Variants in ANKS1B observed in about 807,000 individuals in gnomAD.
The protein encoded by ANKS1B is ankyrin repeat and sterile alpha motif domain containing 1B, also known as ankyrin repeat and sterile alpha motif domain-containing protein 1B.
In ANKS1B, 36 loss-of-function variants were observed where a neutral mutation model predicts 148.3. The observed-to-expected ratio is 0.24, with a 90% confidence interval of 0.19 to 0.32. ANKS1B has a LOEUF of 0.32. Among genes scored for constraint, ANKS1B ranks in the 10% least tolerant of loss-of-function variants. The pLI is 1.00. For missense variants in ANKS1B, 1,157 were observed against 1,542.6 expected (o/e 0.75, Z 4.19); for synonymous variants, 542 against 560.8 (o/e 0.97, Z 0.47).
At chr12:98,964,123 T>C (rs772601323) in intron 17 of ANKS1B, among the ~76,000 whole-genome samples, 2 of 151,856 alleles carry the variant, frequency 1.3e-5, no homozygotes, top group African/African-American at 4.8e-5. Flanking sequence ...AATAATCCCA[T>C]TAAAAACTGG....
chr12:99,193,019 T>C (rs2080938747), intron 14 of ANKS1B, among the ~76,000 whole-genome samples: 1 of 152,232 alleles, frequency 6.6e-6, no homozygotes, highest in South Asian at 2.1e-4. Flanking sequence ...TAATATATTC[T>C]GTCTTCCATC....
intron 16 of ANKS1B, among the ~76,000 whole-genome samples, chr12:99,084,243 G>C (rs1352030973): frequency 6.6e-6 from 1 of 152,132 alleles, no homozygotes; most frequent in Admixed American, 6.6e-5. Context: ...TATGGGGCAG[G>C]AGGCTTTTAA....
At chr12:99,324,901 T>C (rs1271969021) in intron 12 of ANKS1B, among the ~76,000 whole-genome samples, 1 of 152,156 alleles carries the variant, frequency 6.6e-6, no homozygotes, top group Non-Finnish European at 1.5e-5. Flanking sequence ...CTAGACTCCC[T>C]GAATGTTGGT....
chr12:99,154,985 T>C, intron 14 of ANKS1B: 1 of 1,535,392 alleles, frequency 6.5e-7, no homozygotes, highest in Non-Finnish European at 8.7e-7. Context: ...CAAGCGTCAA[T>C]CTTGAATGAT....
At chr12:99,084,159 A>C (rs1197792173) in intron 16 of ANKS1B, among the ~76,000 whole-genome samples, 1 of 152,058 alleles carries the variant, frequency 6.6e-6, no homozygotes, top group Non-Finnish European at 1.5e-5. Flanking sequence ...CTGAGTAATG[A>C]CTCGTGTAAT....
intron 17 of ANKS1B, among the ~76,000 whole-genome samples, chr12:99,052,366 A>G (rs2099966667): frequency 6.6e-6 from 1 of 152,244 alleles, no homozygotes; most frequent in South Asian, 2.1e-4. Context: ...TTTTGATAAT[A>G]CAGCAGCCTA....
At chr12:99,462,214 G>C (rs1818469205) in intron 10 of ANKS1B, among the ~76,000 whole-genome samples, 1 of 152,204 alleles carries the variant, frequency 6.6e-6, no homozygotes, top group Admixed American at 6.5e-5. Context: ...ACAGTCTTCA[G>C]CTGTCAGCTT....
chr12:98,760,750 C>G (rs901734653), intron 25 of ANKS1B, among the ~76,000 whole-genome samples: 24 of 152,216 alleles, frequency 1.6e-4, no homozygotes, highest in African/African-American at 5.8e-4. Flanking sequence ...AATACTTCTA[C>G]TCCAAGTGCG....
In ANKS1B at chr12:99,708,804, A is replaced by G. The variant is rs148287577; in HGVS notation, c.1129-53594T>C. On this transcript the variant is annotated intron_variant, in intron 8 of 26. Coordinates refer to ENST00000683438, the MANE Select transcript of ANKS1B (RefSeq NM_001352186.2). ...TCACATCTGCAAAGGCTCTTTTGCTATAAAAGGTAACATTCACAGTTTCCA... is the reference window on the plus strand; with the variant it reads ...TCACATCTGCAAAGGCTCTTTTGCTGTAAAAGGTAACATTCACAGTTTCCA... 7.0e-4 allele frequency among the ~76,000 whole-genome samples: 106 copies of G among 152,266 alleles called. 2 individuals carry two copies. The East Asian group carries it at 0.02, about 29-fold the overall frequency.
intron 9 of ANKS1B, chr12:99,649,730 G>T: frequency 4.3e-6 from 1 of 234,132 alleles, no homozygotes; most frequent in Non-Finnish European, 8.4e-6. Context: ...AGTGCTACTG[G>T]CCTCTCCCTA....
At chr12:99,292,589 C>A (rs923161187) in intron 12 of ANKS1B, among the ~76,000 whole-genome samples, 1 of 150,518 alleles carries the variant, frequency 6.6e-6, no homozygotes, top group African/African-American at 2.4e-5. Flanking sequence ...AAAATTTTCA[C>A]AATCTACCCA....
chr12:99,197,124 G>A (rs1047848479), intron 14 of ANKS1B, among the ~76,000 whole-genome samples: 4 of 152,116 alleles, frequency 2.6e-5, no homozygotes, highest in East Asian at 1.9e-4. Flanking sequence ...CAATCTGAAC[G>A]GAGAGATATT....
At chr12:99,308,055 T>C (rs2082597852) in intron 12 of ANKS1B, among the ~76,000 whole-genome samples, 1 of 152,078 alleles carries the variant, frequency 6.6e-6, no homozygotes, top group Non-Finnish European at 1.5e-5. Context: ...CAAACGATTA[T>C]AGCAACAAAT....
intron 12 of ANKS1B, among the ~76,000 whole-genome samples, chr12:99,273,215 A>G (rs1761537701): frequency 6.6e-6 from 1 of 152,198 alleles, no homozygotes; most frequent in Non-Finnish European, 1.5e-5. Flanking sequence ...TTCATATAAG[A>G]AACATTCTTA....
chr12:99,254,214 T>A (rs557524643), intron 12 of ANKS1B, among the ~76,000 whole-genome samples: 209 of 152,314 alleles, frequency 1.4e-3, no homozygotes, highest in African/African-American at 4.7e-3. Context: ...GCACGGTGGT[T>A]CTGTGGTTGT....
chr12:99,871,807 C>CT (rs2091552410), intron 1 of ANKS1B, among the ~76,000 whole-genome samples: 2 of 152,066 alleles, frequency 1.3e-5, no homozygotes, highest in South Asian at 4.1e-4. Flanking sequence ...TTCCAGGAGC[C>CT]TTGGTGCAGT....
chr12:98,948,643 A>G (rs2099848957), intron 17 of ANKS1B, among the ~76,000 whole-genome samples: 1 of 152,104 alleles, frequency 6.6e-6, no homozygotes, highest in African/African-American at 2.4e-5. Context: ...CCTTTTTTTG[A>G]GCCAGATACT....
At chr12:99,638,763 C>T (rs140799483) in intron 9 of ANKS1B, among the ~76,000 whole-genome samples, 217 of 152,304 alleles carry the variant, frequency 1.4e-3, no homozygotes, top group Non-Finnish European at 2.5e-3. Flanking sequence ...GCAGCCCCTC[C>T]AATCACAGGT....
chr12:98,828,808 C>T (rs1243847139), intron 19 of ANKS1B, among the ~76,000 whole-genome samples: 3 of 152,194 alleles, frequency 2.0e-5, no homozygotes, highest in Non-Finnish European at 4.4e-5. Flanking sequence ...AATCCTTCCC[C>T]CCAAACTTCT....
Sources: gnomAD v4.1 joint callset for allele counts (sites outside exome capture counted in the v4.1 genomes callset) on GRCh38, gnomAD v4.1.1 for gene constraint, MANE v1.5 for transcripts, NCBI Gene and HGNC (gene_info 2026-07-23, HGNC 2026-07-21) for gene names.